DCLK2: variants seen among roughly 807,000 people sequenced by gnomAD.
DCLK2 encodes doublecortin like kinase 2.
A neutral mutation model predicts 78.4 loss-of-function variants in DCLK2; 31 were observed. The observed-to-expected ratio is 0.40, with a 90% CI of 0.30 to 0.53. DCLK2 has a LOEUF of 0.53. Among genes scored for constraint, DCLK2 ranks in the 20% least tolerant of loss-of-function variants. The pLI is 0.61. For synonymous variants in DCLK2, 407 were observed against 374.9 expected, an observed-to-expected ratio of 1.09 and a Z score of -0.99; for missense variants, 872 against 973.7, an observed-to-expected ratio of 0.90 and a Z score of 1.39.
chr4:150,112,358 T>C (rs1731753603), intron 2 of DCLK2, among the ~76,000 whole-genome samples: 1 of 152,222 alleles, frequency 6.6e-6, no homozygotes. Flanking sequence ...GAGAAATCTT[T>C]ACAGTTTTCT....
At chr4:150,178,560 G>A (rs543616286) in intron 2 of DCLK2, among the ~76,000 whole-genome samples, 1 of 151,862 alleles carries the variant, frequency 6.6e-6, no homozygotes, top group African/African-American at 2.4e-5. Flanking sequence ...TGCTTTTCTT[G>A]TAAGATTTAT....
chr4:150,126,180 GC>G (rs1056676823), intron 2 of DCLK2, among the ~76,000 whole-genome samples: 1 of 148,970 alleles, frequency 6.7e-6, no homozygotes, highest in African/African-American at 2.5e-5. Context: ...GTGTTTGTGA[GC>G]AGCGGGCTAA....
Position 150,128,155 on chromosome 4 carries a change from G to A in DCLK2, c.756+25343G>A, listed in dbSNP as rs183056996. On this transcript the variant is annotated intron_variant, in intron 2 of 15. Transcript: ENST00000296550. ...TATGCTACTGGCATTAATGGGTAGA[G>A]GCCAGGGATGCTGCCACATATTCTA... Among the ~76,000 whole-genome samples the A allele has an allele frequency of 1.2e-3, 178 of 152,260 alleles. 2 individuals carry two copies. The highest frequency in any genetic ancestry group is 4.1e-3 in the African/African-American group (172 of 41,506).
chr4:150,211,514 C>T (rs1450535465), intron 5 of DCLK2, among the ~76,000 whole-genome samples: 1 of 152,090 alleles, frequency 6.6e-6, no homozygotes, highest in Non-Finnish European at 1.5e-5. Context: ...GTCACACCAG[C>T]CTTCTCTCCA....
chr4:150,249,705 C>G (rs754930872), intron 15 of DCLK2, 21 bp downstream of exon 15: 3 of 1,594,950 alleles, frequency 1.9e-6, no homozygotes, highest in Non-Finnish European at 2.6e-6. Context: ...GGCGGCAGGT[C>G]TGGCCTGACT....
At chr4:150,130,979 A>G (rs529089320) in intron 2 of DCLK2, among the ~76,000 whole-genome samples, 1 of 152,180 alleles carries the variant, frequency 6.6e-6, no homozygotes, top group Admixed American at 6.5e-5. Context: ...ATGTTGAACA[A>G]ATGGAAATAT....
At chr4:150,160,713 C>T (rs897633014) in intron 2 of DCLK2, among the ~76,000 whole-genome samples, 15 of 152,198 alleles carry the variant, frequency 9.9e-5, no homozygotes, top group African/African-American at 3.6e-4. Context: ...CTGTCCCATC[C>T]AACCATCAGG....
At chr4:150,107,133 A>C (rs1731317993) in intron 2 of DCLK2, among the ~76,000 whole-genome samples, 1 of 152,186 alleles carries the variant, frequency 6.6e-6, no homozygotes, top group Admixed American at 6.5e-5. Context: ...CCACGACATC[A>C]TCCTTTCTTG....
At chr4:150,118,247 A>G (rs999550219) in intron 2 of DCLK2, among the ~76,000 whole-genome samples, 2 of 152,160 alleles carry the variant, frequency 1.3e-5, no homozygotes, top group Non-Finnish European at 2.9e-5. Context: ...TAAGCTAATC[A>G]GGTGATTTCA....
chr4:150,079,475 G>C, intron 1 of DCLK2, 27 bp downstream of exon 1: 1 of 1,447,850 alleles, frequency 6.9e-7, no homozygotes, highest in African/African-American at 1.5e-5. Context: ...CCGCACGGCA[G>C]GTGCGGCGGA....
intron 2 of DCLK2, among the ~76,000 whole-genome samples, chr4:150,110,555 A>C (rs1356794183): frequency 6.6e-6 from 1 of 151,978 alleles, no homozygotes; most frequent in Non-Finnish European, 1.5e-5. Flanking sequence ...ATGGTGGTGA[A>C]GTCTGAGATT....
At chr4:150,087,438 T>C (rs773237984) in intron 1 of DCLK2, among the ~76,000 whole-genome samples, 1 of 152,220 alleles carries the variant, frequency 6.6e-6, no homozygotes, top group African/African-American at 2.4e-5. Context: ...ACTTTTGAAA[T>C]AGCAATGTGA....
At chr4:150,192,863 A>G (rs1044096277) in intron 2 of DCLK2, among the ~76,000 whole-genome samples, 2 of 152,106 alleles carry the variant, frequency 1.3e-5, no homozygotes, top group African/African-American at 2.4e-5. Context: ...ACCTGGGGGA[A>G]AAATCACGTA....
intron 10 of DCLK2, among the ~76,000 whole-genome samples, chr4:150,238,840 C>G (rs1742695368): frequency 6.6e-6 from 1 of 152,144 alleles, no homozygotes; most frequent in African/African-American, 2.4e-5. Context: ...TATGGAAGTT[C>G]AGGCTGCCTG....
chr4:150,117,435 G>A (rs765730097), intron 2 of DCLK2, among the ~76,000 whole-genome samples: 3 of 152,192 alleles, frequency 2.0e-5, no homozygotes, highest in African/African-American at 7.2e-5. Flanking sequence ...CATGAAGCAG[G>A]GGTGCCCAGC....
At chr4:150,253,697 C>G (rs937783183) in intron 15 of DCLK2, 13 of 1,203,600 alleles carry the variant, frequency 1.1e-5, no homozygotes, top group African/African-American at 1.6e-5. Flanking sequence ...CACATCCTTT[C>G]CAGCCAGCCA....
At chr4:150,216,081 C>CT (rs142003284) in intron 5 of DCLK2, among the ~76,000 whole-genome samples, 4 of 152,080 alleles carry the variant, frequency 2.6e-5, no homozygotes, top group Non-Finnish European at 4.4e-5. Context: ...ACTCTTGCTA[C>CT]TTTTTTTTGA....
intron 10 of DCLK2, among the ~76,000 whole-genome samples, chr4:150,233,890 A>G (rs985067529): frequency 1.4e-4 from 22 of 152,214 alleles, no homozygotes; most frequent in Admixed American, 1.2e-3. Context: ...ACGTTATAGA[A>G]GAATTTTAGA....
intron 2 of DCLK2, among the ~76,000 whole-genome samples, chr4:150,134,277 TCA>T (rs1733542313): frequency 6.6e-6 from 1 of 151,962 alleles, no homozygotes; most frequent in Non-Finnish European, 1.5e-5. Flanking sequence ...AGATGCGGTT[TCA>T]CCATGTTGGT....
Sources: allele counts gnomAD v4.1 joint callset (sites outside exome capture counted in the v4.1 genomes callset), GRCh38; gene constraint gnomAD v4.1.1; transcripts MANE v1.5; gene names NCBI Gene and HGNC (gene_info 2026-07-23, HGNC 2026-07-21).